Variants in LHPP observed in about 807,000 individuals in gnomAD.
LHPP encodes the protein phospholysine phosphohistidine inorganic pyrophosphate phosphatase, also known as hLHPP.
A neutral mutation model predicts 30.3 loss-of-function variants in LHPP; 24 were observed. That is an observed-to-expected ratio of 0.79 (90% CI 0.57 to 1.11). The LOEUF is 1.11. Ranked by LOEUF, LHPP falls within the 50% of genes most tolerant of loss-of-function variation. The pLI, the probability that LHPP is intolerant of heterozygous loss-of-function variation, is 0.00. For missense variants in LHPP, 356 were observed against 367.2 expected (o/e 0.97, Z 0.25); for synonymous variants, 150 against 157.1 (o/e 0.95, Z 0.34).
chr10:124,474,348 C>T (rs1952878735), intron 1 of LHPP, among the ~76,000 whole-genome samples: 1 of 151,926 alleles, frequency 6.6e-6, no homozygotes, highest in Non-Finnish European at 1.5e-5. Context: ...CCACGTTGCC[C>T]AGGCTGGTCT....
Position 124,590,205 on chromosome 10 carries a change from A to G in LHPP, c.717-23059A>G, listed in dbSNP as rs1357541751. 6.6e-6 allele frequency among the ~76,000 whole-genome samples: 1 copy of G among 152,052 alleles called. No individual in the cohort carries two copies. The highest frequency in any genetic ancestry group is 2.4e-5 in the African/African-American group (1 of 41,410). On this transcript the variant is annotated intron_variant, in intron 6 of 6. Coordinates refer to ENST00000368842, the MANE Select transcript of LHPP (RefSeq NM_022126.4). The surrounding 1 kb of genome is among the most constrained non-coding windows in gnomAD (Gnocchi z 4.3). ...CCACATGAAATTGAAGTGGGAGAAC[A>G]TGGTGTGTGAGCATTATTGGGGGTG... is the stretch of plus-strand genomic sequence containing the variant.
In LHPP at chr10:124,484,133, C is replaced by A; in HGVS notation, c.126-6C>A. The A allele has an allele frequency of 1.9e-6, 3 of 1,613,284 alleles. No individual in the cohort carries two copies. The highest frequency in any genetic ancestry group is 2.5e-6 in the Non-Finnish European group (3 of 1,179,754). On this transcript the variant is annotated splice_polypyrimidine_tract_variant and splice_region_variant and intron_variant, in intron 1 of 6. Transcript: ENST00000368842. ...ACTTCCCGGGCCTGTGTCTCCCCTGCCGCAGACTGAAGCGTTCCCGGCTGA... is the reference window on the plus strand; with the variant it reads ...ACTTCCCGGGCCTGTGTCTCCCCTGACGCAGACTGAAGCGTTCCCGGCTGA...
chr10:124,613,062 G>A (rs1325296249), intron 6 of LHPP: 1 of 598,036 alleles, frequency 1.7e-6, no homozygotes, highest in Non-Finnish European at 3.0e-6. Context: ...CCAGGTTGAG[G>A]GCACAGTCAG....
intron 6 of LHPP, among the ~76,000 whole-genome samples, chr10:124,607,431 G>A (rs920587105): frequency 1.3e-5 from 2 of 152,258 alleles, no homozygotes; most frequent in African/African-American, 2.4e-5. Flanking sequence ...GGCAAACACC[G>A]GCCGGGTGCT....
chr10:124,470,489 C>T lies in LHPP; in HGVS notation c.125+8502C>T, dbSNP rs11245069. Among the ~76,000 whole-genome samples, 149 of 152,168 alleles carry T rather than the reference C, an allele frequency of 9.8e-4. No homozygotes were observed. In the East Asian group the frequency reaches 0.023, roughly 24 times the overall value. ...GGGTGCCTTCGGGATCCTGATAAAA[C>T]GTAGGTGCCTCCTAGTAGGTCTGGA... On this transcript the variant is annotated intron_variant, in intron 1 of 6. Transcript: ENST00000368842.
At chr10:124,490,723 CA>C (rs1357260602) in intron 3 of LHPP, 1 of 164,464 alleles carries the variant, frequency 6.1e-6, no homozygotes, top group Non-Finnish European at 1.3e-5. Flanking sequence ...ATGACGTCTC[CA>C]GATACAGTTA....
chr10:124,603,974 A>T (rs1949061490), intron 6 of LHPP, among the ~76,000 whole-genome samples: 1 of 152,210 alleles, frequency 6.6e-6, no homozygotes, highest in Admixed American at 6.5e-5. Flanking sequence ...CTCAGGTGCC[A>T]TGTGAGCTCT....
At chr10:124,610,555 G>A (rs1949167350) in intron 6 of LHPP, among the ~76,000 whole-genome samples, 2 of 66,548 alleles carry the variant, frequency 3.0e-5, no homozygotes, top group African/African-American at 7.7e-5. Flanking sequence ...GTGAGGGTGC[G>A]GGTGAGGGTG....
At chr10:124,540,505 G>GGCACA (rs1233758209) in intron 6 of LHPP, among the ~76,000 whole-genome samples, 4 of 152,226 alleles carry the variant, frequency 2.6e-5, no homozygotes, top group Non-Finnish European at 5.9e-5. Context: ...TTCACCCTGA[G>GGCACA]GCACAGCACA....
intron 6 of LHPP, among the ~76,000 whole-genome samples, chr10:124,610,315 T>TGCGG (rs1949155527): frequency 1.4e-5 from 2 of 144,216 alleles, no homozygotes; most frequent in African/African-American, 2.8e-5. Context: ...CGGGTGCGGG[T>TGCGG]GTGGGTGCGG....
At chr10:124,600,408 C>T (rs980175651) in intron 6 of LHPP, among the ~76,000 whole-genome samples, 1 of 152,266 alleles carries the variant, frequency 6.6e-6, no homozygotes, top group Non-Finnish European at 1.5e-5. Context: ...GGCTCAGCTT[C>T]ACTGGCCAGA....
rs369969206 is a variant in LHPP at position 124,551,714 on chromosome 10, G to GC, written c.716+34449dup. ...CCCCTGAGACCCGCGGGCTTGGCCG[G>GC]CCCCCCGGGAAGAAGACCCACAGCT... On this transcript the variant is annotated intron_variant, in intron 6 of 6. Coordinates refer to ENST00000368842, the MANE Select transcript of LHPP (RefSeq NM_022126.4). 3.2e-3 allele frequency among the ~76,000 whole-genome samples: 494 copies of GC among 152,174 alleles called. 2 individuals are homozygous for GC. Among genetic ancestry groups the GC allele is most frequent in the African/African-American group, 0.011 (439 of 41,518 alleles).
intron 3 of LHPP, among the ~76,000 whole-genome samples, chr10:124,494,510 C>T (rs891001705): frequency 6.6e-6 from 1 of 152,180 alleles, no homozygotes; most frequent in Non-Finnish European, 1.5e-5. Context: ...TTAGGGAGGC[C>T]CTCCCTACCC....
At chr10:124,581,942 C>T (rs941033920) in intron 6 of LHPP, among the ~76,000 whole-genome samples, 8 of 151,876 alleles carry the variant, frequency 5.3e-5, no homozygotes, top group East Asian at 1.9e-4. Flanking sequence ...CCACCACACC[C>T]AGCTAATTTT....
intron 1 of LHPP, among the ~76,000 whole-genome samples, chr10:124,472,631 T>C (rs1345004242): frequency 6.6e-6 from 1 of 151,702 alleles, no homozygotes; most frequent in Non-Finnish European, 1.5e-5. Context: ...CGATCTCAGC[T>C]CACTGCAACC....
intron 6 of LHPP, among the ~76,000 whole-genome samples, chr10:124,564,544 G>A (rs1268868418): frequency 6.6e-6 from 1 of 152,120 alleles, no homozygotes; most frequent in African/African-American, 2.4e-5. Context: ...GTGCCCCACC[G>A]TGCCCAGCCT....
At chr10:124,598,957 C>T (rs145469435) in intron 6 of LHPP, among the ~76,000 whole-genome samples, 4 of 151,590 alleles carry the variant, frequency 2.6e-5, no homozygotes, top group African/African-American at 9.7e-5. Flanking sequence ...CCATCTCCAT[C>T]TATCCATCTC....
chr10:124,498,660 C>CTTT lies in LHPP; in HGVS notation c.624+552_624+554dup, dbSNP rs552228070. ...CTCCAGTGGGTTTTCTTTTCTTTTT[C>CTTT]TTTTTTTTTTTTTTTTTTTTTTGAG... is the stretch of plus-strand genomic sequence containing the variant. On this transcript the variant is annotated intron_variant, in intron 5 of 6. Transcript: ENST00000368842. 502 of 353,466 alleles carry CTTT rather than the reference C, an allele frequency of 1.4e-3. 1 individual carries two copies. The highest frequency in any genetic ancestry group is 2.9e-3 in the Middle Eastern group (3 of 1,044). The allele number at this position is 353,466 out of a possible 1,614,324, so 21.9% of individuals were successfully genotyped here. A position where few individuals can be genotyped will look rare whatever the true frequency, so the allele number is the denominator to read the frequency against.
At chr10:124,468,161 G>T (rs1031637566) in intron 1 of LHPP, among the ~76,000 whole-genome samples, 1 of 152,178 alleles carries the variant, frequency 6.6e-6, no homozygotes, top group African/African-American at 2.4e-5. Context: ...TCCAACAAAC[G>T]TGCAGATTCC....
Sources: gnomAD v4.1 joint callset for allele counts (sites outside exome capture counted in the v4.1 genomes callset) on GRCh38, gnomAD v4.1.1 for gene constraint, Gnocchi (gnomAD v3.1) non-coding constraint, MANE v1.5 for transcripts, NCBI Gene and HGNC (gene_info 2026-07-23, HGNC 2026-07-21) for gene names.